The following NXN variants were observed in gnomAD, a reference collection of about 807,000 sequenced individuals.
NXN encodes nucleoredoxin.
Under a neutral mutation model 48.6 loss-of-function variants are expected in NXN, and 16 were observed. That is an observed-to-expected ratio of 0.33 (90% confidence interval 0.22 to 0.50). NXN has a LOEUF of 0.50. NXN is among the 20% of genes least tolerant of loss of function. The pLI is 0.98. For synonymous variants in NXN, 281 were observed against 269.6 expected, an observed-to-expected ratio of 1.04 and a Z score of -0.41; for missense variants, 492 against 605.5, an observed-to-expected ratio of 0.81 and a Z score of 1.97.
intron 5 of NXN, among the ~76,000 whole-genome samples, chr17:817,249 T>C (rs978620510): frequency 3.3e-5 from 5 of 152,156 alleles, no homozygotes; most frequent in Admixed American, 2.0e-4. Context: ...TTTTCAGATC[T>C]CCAGGTGATT....
At chr17:841,334 T>C (rs9896203) in intron 1 of NXN, among the ~76,000 whole-genome samples, 43,543 of 138,514 alleles carry the variant, frequency 0.31, 7,601 homozygotes, top group African/African-American at 0.42. Flanking sequence ...ACCATCCTGG[T>C]GCCGCCAACC....
chr17:834,266 G>C (rs1372617012), intron 1 of NXN, among the ~76,000 whole-genome samples: 1 of 152,184 alleles, frequency 6.6e-6, no homozygotes, highest in Non-Finnish European at 1.5e-5. Context: ...AGGCTACGAT[G>C]AGCTGTGATC....
chr17:896,986 C>G, intron 1 of NXN: 1 of 1,164,654 alleles, frequency 8.6e-7, no homozygotes, highest in South Asian at 1.6e-5. Context: ...CTAGGAAAGT[C>G]CCCGCGGCAG....
In NXN at chr17:825,107, A is replaced by G. The variant is rs557529550; in HGVS notation, c.478+854T>C. Among the ~76,000 whole-genome samples, 8 of 152,120 alleles carry G rather than the reference A, an allele frequency of 5.3e-5. No homozygotes were observed. Among genetic ancestry groups the G allele is most frequent in the African/African-American group, 1.9e-4 (8 of 41,532 alleles). ...TTAGCTGGGTGTGGCGGTGCACGCC[A>G]GTAGTCCCAGCTACACGGGAGGATG... On this transcript the variant is annotated intron_variant, in intron 2 of 7. Coordinates refer to ENST00000336868, the MANE Select transcript of NXN (RefSeq NM_022463.5). The surrounding 1 kb of genome is among the most constrained non-coding windows in gnomAD (Gnocchi z 4.1).
At position 825,239 on chromosome 17, in the gene NXN, A is replaced by T. The variant is rs10902636; in HGVS notation, c.478+722T>A. ...CTCAAGAGAAAAAAAAAAAAAAAAA[A>T]GAAAAGCTTCACGCTTGGTTCCACC... On this transcript the variant is annotated intron_variant, in intron 2 of 7. Transcript: ENST00000336868. The surrounding 1 kb of genome is among the most constrained non-coding windows in gnomAD (Gnocchi z 4.1). Among the ~76,000 whole-genome samples, 1 of 148,134 alleles carries T rather than the reference A, an allele frequency of 6.8e-6. No individual in the cohort carries two copies. The highest frequency in any genetic ancestry group is 2.5e-5 in the African/African-American group (1 of 39,926).
intron 5 of NXN, among the ~76,000 whole-genome samples, chr17:814,763 C>T (rs546278861): frequency 6.6e-5 from 10 of 151,662 alleles, no homozygotes; most frequent in South Asian, 2.1e-4. Flanking sequence ...CAGTGGCTCA[C>T]GCCTGTAATC....
At chr17:965,226 A>G (rs1050051941) in intron 1 of NXN, among the ~76,000 whole-genome samples, 2 of 152,220 alleles carry the variant, frequency 1.3e-5, no homozygotes, top group East Asian at 3.8e-4. Flanking sequence ...CTTAACCGTC[A>G]TCCGTGATTT....
At chr17:976,817 G>A (rs1214229153) in intron 1 of NXN, among the ~76,000 whole-genome samples, 5 of 151,676 alleles carry the variant, frequency 3.3e-5, no homozygotes, top group African/African-American at 4.9e-5. Context: ...CCCAGACTGG[G>A]GTGCAATGGT....
intron 1 of NXN, among the ~76,000 whole-genome samples, chr17:833,904 AT>A (rs1913637498): frequency 6.6e-6 from 1 of 152,114 alleles, no homozygotes; most frequent in Non-Finnish European, 1.5e-5. Context: ...AGAAAAAAAA[AT>A]CTCACTCTCC....
chr17:850,082 C>T (rs550164372), intron 1 of NXN, among the ~76,000 whole-genome samples: 77 of 147,092 alleles, frequency 5.2e-4, no homozygotes, highest in African/African-American at 1.8e-3. Context: ...GTAAACAACT[C>T]CTAACTAAGA....
intron 1 of NXN, among the ~76,000 whole-genome samples, chr17:840,552 G>T (rs1372658349): frequency 6.6e-6 from 1 of 152,142 alleles, no homozygotes; most frequent in Non-Finnish European, 1.5e-5. Context: ...TGTTAGCCAG[G>T]ATGGTCTTGA....
chr17:862,916 G>A (rs1314391085), intron 1 of NXN, among the ~76,000 whole-genome samples: 1 of 152,098 alleles, frequency 6.6e-6, no homozygotes, highest in Non-Finnish European at 1.5e-5. Context: ...ACATTTCTTG[G>A]GTATGATAAC....
intron 1 of NXN, among the ~76,000 whole-genome samples, chr17:843,618 G>C (rs1293531432): frequency 1.3e-5 from 2 of 152,190 alleles, no homozygotes; most frequent in Non-Finnish European, 2.9e-5. Context: ...GGGGAGTGAG[G>C]AGCCAGCGTC....
intron 1 of NXN, among the ~76,000 whole-genome samples, chr17:892,035 A>G (rs547695715): frequency 1.3e-5 from 2 of 150,928 alleles, no homozygotes; most frequent in South Asian, 4.2e-4. Flanking sequence ...CCCACCATGC[A>G]CAACCCAACA....
At chr17:878,531 G>C (rs1373790044) in intron 1 of NXN, among the ~76,000 whole-genome samples, 1 of 148,802 alleles carries the variant, frequency 6.7e-6, no homozygotes, top group Admixed American at 6.7e-5. Flanking sequence ...GGGCAGGGGA[G>C]GGGGTGCCCT....
intron 5 of NXN, among the ~76,000 whole-genome samples, chr17:809,194 G>T (rs1190174792): frequency 6.6e-6 from 1 of 152,186 alleles, no homozygotes; most frequent in Non-Finnish European, 1.5e-5. Context: ...GCGTGCTTTT[G>T]CTTCCACCAT....
rs190284159 is a variant in NXN, at chr17:932,597, G to C, written c.360+46722C>G. Reference sequence around the variant, plus strand: ...GGATTTTAAAGGATCTCTAGGGCTAGTTTCCCCAGGTTCTGGGCCCCTGCC... The same window carrying C: ...GGATTTTAAAGGATCTCTAGGGCTACTTTCCCCAGGTTCTGGGCCCCTGCC... On this transcript the variant is annotated intron_variant, in intron 1 of 7. Coordinates refer to ENST00000336868, the MANE Select transcript of NXN (RefSeq NM_022463.5). This position sits in a 1 kb window ranked among gnomAD's most constrained non-coding sequence, Gnocchi z 4.1. Among the ~76,000 whole-genome samples, 1 of 152,318 alleles carries C rather than the reference G, an allele frequency of 6.6e-6. No homozygotes were observed. Among genetic ancestry groups the C allele is most frequent in the East Asian group, 1.9e-4 (1 of 5,182 alleles).
At chr17:843,530 G>A (rs879274388) in intron 1 of NXN, among the ~76,000 whole-genome samples, 11 of 152,224 alleles carry the variant, frequency 7.2e-5, no homozygotes, top group Non-Finnish European at 1.0e-4. Flanking sequence ...GACAGCAAGC[G>A]GGTGGCTGGT....
intron 1 of NXN, among the ~76,000 whole-genome samples, chr17:955,713 G>A (rs940887295): frequency 1.1e-4 from 16 of 151,322 alleles, no homozygotes; most frequent in East Asian, 8.0e-4. Flanking sequence ...TGGCTAACAC[G>A]GTGAAACCCT....
Sources: gnomAD v4.1 joint callset for allele counts (sites outside exome capture counted in the v4.1 genomes callset) on GRCh38, gnomAD v4.1.1 for gene constraint, Gnocchi (gnomAD v3.1) non-coding constraint, MANE v1.5 for transcripts, NCBI Gene and HGNC (gene_info 2026-07-23, HGNC 2026-07-21) for gene names.